STK32B: variants seen among roughly 807,000 people sequenced by gnomAD.
STK32B encodes the protein serine/threonine-protein kinase 32B.
STK32B carries 43 observed loss-of-function variants against 52.6 expected under a neutral mutation model. That is an observed-to-expected ratio of 0.82 (90% confidence interval 0.64 to 1.05). The LOEUF (loss-of-function observed/expected upper bound fraction) is 1.05, where lower values mean the gene tolerates loss of function less well. STK32B is among the 50% of genes least tolerant of loss of function. The pLI is 0.00. For missense variants in STK32B, 621 were observed against 534.6 expected, an observed-to-expected ratio of 1.16 and a Z score of -1.59; for synonymous variants, 238 against 204.3, an observed-to-expected ratio of 1.17 and a Z score of -1.41.
At position 5,051,491 on chromosome 4, in the gene STK32B, T is replaced by TC. The variant is rs1741776124; in HGVS notation, c.-369dup. On this transcript the variant is annotated 5_prime_UTR_variant, in exon 1 of 12. Coordinates refer to ENST00000282908, the MANE Select transcript of STK32B (RefSeq NM_018401.3). ...CTCCTCCCCCGCTCCTTCCCCTCCT[T>TC]CCCCTGCTCCCGCGCCGCCTCGCGT... The TC allele has an allele frequency of 3.6e-6, 1 of 281,638 alleles. No homozygotes were observed. The highest frequency in any genetic ancestry group is 7.8e-5 in the East Asian group (1 of 12,890). 17.4% of individuals were successfully genotyped at this position (281,638 alleles called of 1,614,324 possible).
chr4:5,360,245 C>T (rs920110720), intron 4 of STK32B, among the ~76,000 whole-genome samples: 4 of 152,162 alleles, frequency 2.6e-5, no homozygotes, highest in Non-Finnish European at 5.9e-5. Context: ...CCCAGTGCCA[C>T]GTTCTGGGAT....
intron 3 of STK32B, among the ~76,000 whole-genome samples, chr4:5,262,491 G>T (rs1302246556): frequency 6.6e-6 from 1 of 151,952 alleles, no homozygotes; most frequent in African/African-American, 2.4e-5. Context: ...CGGCCGTGGT[G>T]GCGGGCGCCT....
intron 3 of STK32B, among the ~76,000 whole-genome samples, chr4:5,267,174 A>C (rs1187093027): frequency 6.6e-6 from 1 of 152,144 alleles, no homozygotes; most frequent in Non-Finnish European, 1.5e-5. Flanking sequence ...TGAAACTGTG[A>C]GTGAGGAGGA....
At chr4:5,241,108 T>C (rs1724993059) in intron 3 of STK32B, among the ~76,000 whole-genome samples, 1 of 152,226 alleles carries the variant, frequency 6.6e-6, no homozygotes, top group African/African-American at 2.4e-5. Flanking sequence ...GCTAATGTGG[T>C]ATATTTCACT....
chr4:5,324,262 G>A (rs1198384456), intron 3 of STK32B, among the ~76,000 whole-genome samples: 1 of 152,180 alleles, frequency 6.6e-6, no homozygotes, highest in Non-Finnish European at 1.5e-5. Context: ...GGTGAGGCAG[G>A]ATAATTGCTT....
chr4:5,168,446 C>G lies in STK32B; in HGVS notation c.256C>G (p.Leu86Val). 1 of 1,612,638 alleles carries G rather than the reference C, an allele frequency of 6.2e-7. No individual in the cohort carries two copies. The highest frequency in any genetic ancestry group is 8.5e-7 in the Non-Finnish European group (1 of 1,179,434). ...QGLEHPFLVN[L>V]WYSFQDEEDM... ...GCTGGAGCACCCCTTCCTGGTCAAT[C>G]TGTGGTGAGTGTGGCTCCATCCAGG... Residue 86 changes from leucine (L) to valine (V), a missense_variant, in exon 3 of 12, where the codon CTG (leucine) becomes GTG (valine). Coordinates refer to ENST00000282908, the MANE Select transcript of STK32B (RefSeq NM_018401.3).
intron 3 of STK32B, among the ~76,000 whole-genome samples, chr4:5,285,814 G>A (rs79359858): frequency 0.021 from 3,250 of 152,204 alleles, 122 homozygotes; most frequent in African/African-American, 0.074. Flanking sequence ...CTGAATGTCA[G>A]TAGACATCAA....
At chr4:5,163,264 G>C (rs1294450883) in intron 2 of STK32B, among the ~76,000 whole-genome samples, 1 of 152,204 alleles carries the variant, frequency 6.6e-6, no homozygotes, top group Non-Finnish European at 1.5e-5. Context: ...CAGGAACTGA[G>C]TTGGCAAGGC....
At position 5,244,570 on chromosome 4, in the gene STK32B, G is replaced by A. The variant is rs145869945; in HGVS notation, c.260+76120G>A. ...TATTTGAAGGGTTTTTTGTGTCTCTGTTTCCTTCAGTTCTGCTCTGATCTT... is the reference window on the plus strand; with the variant it reads ...TATTTGAAGGGTTTTTTGTGTCTCTATTTCCTTCAGTTCTGCTCTGATCTT... On this transcript the variant is annotated intron_variant, in intron 3 of 11. Coordinates refer to ENST00000282908, the MANE Select transcript of STK32B (RefSeq NM_018401.3). 8.2e-3 allele frequency among the ~76,000 whole-genome samples: 1,253 copies of A among 152,050 alleles called. 9 individuals carry two copies. The highest frequency in any genetic ancestry group is 0.021 in the Admixed American group (317 of 15,272).
chr4:5,275,533 ACCATCC>A (rs1471587791), intron 3 of STK32B, among the ~76,000 whole-genome samples: 3 of 151,862 alleles, frequency 2.0e-5, no homozygotes, highest in African/African-American at 7.3e-5. Context: ...TCCCGTCTTC[ACCATCC>A]CCTTGAACCT....
At chr4:5,334,592 A>G (rs1413267423) in intron 4 of STK32B, among the ~76,000 whole-genome samples, 1 of 152,200 alleles carries the variant, frequency 6.6e-6, no homozygotes, top group African/African-American at 2.4e-5. Flanking sequence ...TTGTCCATTC[A>G]GTATGATATT....
chr4:5,385,052 C>T (rs1008384034), intron 4 of STK32B, among the ~76,000 whole-genome samples: 2 of 152,030 alleles, frequency 1.3e-5, no homozygotes, highest in Non-Finnish European at 2.9e-5. Context: ...CTTTTCCGAG[C>T]GTCCACAGGT....
In STK32B at chr4:5,400,876, C is replaced by T. The variant is rs1348879939; in HGVS notation, c.472+2632C>T. Among the ~76,000 whole-genome samples, 1 of 152,138 alleles carries T rather than the reference C, an allele frequency of 6.6e-6. No individual in the cohort carries two copies. The highest frequency in any genetic ancestry group is 1.5e-5 in the Non-Finnish European group (1 of 68,034). ...TTAACAGAATGATGAACAAGGCAAA[C>T]AGGGTCCCAACGCTGATGGGTTTCA... On this transcript the variant is annotated intron_variant, in intron 5 of 11. Coordinates refer to ENST00000282908, the MANE Select transcript of STK32B (RefSeq NM_018401.3). This position sits in a 1 kb window ranked among gnomAD's most constrained non-coding sequence, Gnocchi z 6.1.
intron 3 of STK32B, among the ~76,000 whole-genome samples, chr4:5,184,676 G>T (rs1720603253): frequency 1.3e-5 from 1 of 75,536 alleles, no homozygotes; most frequent in Non-Finnish European, 2.7e-5. Flanking sequence ...GACAGAGCGA[G>T]ACTGTCTCAA....
At chr4:5,465,578 G>A (rs56091843) in intron 9 of STK32B, among the ~76,000 whole-genome samples, 1,759 of 152,228 alleles carry the variant, frequency 0.012, 17 homozygotes, top group Middle Eastern at 0.034. Context: ...GTTGTGGAAC[G>A]GCCACCATGG....
chr4:5,310,963 A>C (rs1235147071), intron 3 of STK32B, among the ~76,000 whole-genome samples: 3 of 152,188 alleles, frequency 2.0e-5, no homozygotes, highest in African/African-American at 7.2e-5. Context: ...ACATATTCTC[A>C]CTCATGTTTA....
At chr4:5,363,516 G>A (rs1012588327) in intron 4 of STK32B, among the ~76,000 whole-genome samples, 1 of 152,096 alleles carries the variant, frequency 6.6e-6, no homozygotes, top group African/African-American at 2.4e-5. Flanking sequence ...TTGGTGCCAG[G>A]TTCATGTCTT....
At chr4:5,299,613 A>C (rs67184864) in intron 3 of STK32B, among the ~76,000 whole-genome samples, 20,939 of 152,102 alleles carry the variant, frequency 0.14, 2,892 homozygotes, top group African/African-American at 0.36. Context: ...CTAGTCTCTT[A>C]CATTGGTGTA....
Position 5,112,507 on chromosome 4 carries a change from C to A in STK32B, c.53-27398C>A, listed in dbSNP as rs571132705. Among the ~76,000 whole-genome samples, 4 of 152,232 alleles carry A rather than the reference C, an allele frequency of 2.6e-5. No individual in the cohort carries two copies. The South Asian group carries it at 8.3e-4, about 32-fold the overall frequency. ...CAAGGCAGTCAGGCAGGAGGAGTTCCCTTCTACTAGAGGAAGGGTCAGCCT... is the reference window on the plus strand; with the variant it reads ...CAAGGCAGTCAGGCAGGAGGAGTTCACTTCTACTAGAGGAAGGGTCAGCCT... On this transcript the variant is annotated intron_variant, in intron 1 of 11. Coordinates refer to ENST00000282908, the MANE Select transcript of STK32B (RefSeq NM_018401.3).
Sources: allele counts gnomAD v4.1 joint callset (sites outside exome capture counted in the v4.1 genomes callset), GRCh38; gene constraint gnomAD v4.1.1; non-coding constraint Gnocchi (gnomAD v3.1); transcripts MANE v1.5; gene names NCBI Gene and HGNC (gene_info 2026-07-23, HGNC 2026-07-21).